The following NALCN variants were observed in gnomAD, a reference collection of about 807,000 sequenced individuals.
NALCN encodes the protein sodium leak channel, non-selective.
In NALCN, 111 loss-of-function variants were observed where a neutral mutation model predicts 225.3. The ratio of observed to expected loss-of-function variants is 0.49; its 90% CI spans 0.42 to 0.58. The LOEUF (loss-of-function observed/expected upper bound fraction) is 0.58. Ranked by LOEUF, NALCN falls within the 20% of genes least tolerant of loss-of-function variation. The probability of loss-of-function intolerance (pLI) is 0.00; values close to 1 mark genes in which losing one functional copy is unlikely to be tolerated. For synonymous variants in NALCN, 764 were observed against 769.0 expected (o/e 0.99, Z 0.11); for missense variants, 1,378 against 2,202.4 (o/e 0.63, Z 7.49).
At chr13:101,313,659 G>T (rs2044440533) in intron 7 of NALCN, among the ~76,000 whole-genome samples, 1 of 152,090 alleles carries the variant, frequency 6.6e-6, no homozygotes, top group South Asian at 2.1e-4. Flanking sequence ...TGTCAGGAAA[G>T]AACAGGTGCT....
At chr13:101,098,107 G>A (rs1426446454) in intron 27 of NALCN, among the ~76,000 whole-genome samples, 2 of 151,882 alleles carry the variant, frequency 1.3e-5, no homozygotes, top group Admixed American at 1.3e-4. Context: ...TGTATGCTCC[G>A]TGTCCTTCTT....
At chr13:101,241,082 A>T (rs1268550681) in intron 11 of NALCN, among the ~76,000 whole-genome samples, 1 of 152,198 alleles carries the variant, frequency 6.6e-6, no homozygotes, top group Non-Finnish European at 1.5e-5. Context: ...ACACCTTTAA[A>T]AGTAGACAGA....
intron 10 of NALCN, among the ~76,000 whole-genome samples, chr13:101,282,649 C>T (rs930762844): frequency 6.6e-6 from 1 of 151,984 alleles, no homozygotes; most frequent in African/African-American, 2.4e-5. Context: ...TTAAGTGTTA[C>T]CCCCCACCCC....
intron 6 of NALCN, among the ~76,000 whole-genome samples, chr13:101,347,811 T>G (rs554289776): frequency 6.6e-6 from 1 of 152,200 alleles, no homozygotes; most frequent in Non-Finnish European, 1.5e-5. Context: ...GTAAACCAAG[T>G]AATGCACTTT....
chr13:101,349,938 G>A (rs773686100), intron 6 of NALCN, among the ~76,000 whole-genome samples: 57 of 152,080 alleles, frequency 3.7e-4, no homozygotes, highest in Admixed American at 7.9e-4. Flanking sequence ...CCAAACCGTG[G>A]AGCAAACTTG....
rs75290606 is a variant in NALCN at position 101,132,281 on chromosome 13, T to A, written c.2119-7600A>T. Among the ~76,000 whole-genome samples the A allele has an allele frequency of 6.5e-3, 958 of 148,062 alleles. 9 individuals are homozygous for A. The highest frequency in any genetic ancestry group is 0.021 in the African/African-American group (867 of 41,314). ...TGCTTATTTGAAAATAGTTTTAAAT[T>A]TCTGAATGTGTAGGTTTTTTTGTGG... On this transcript the variant is annotated intron_variant, in intron 17 of 43. Transcript: ENST00000251127.
At chr13:101,127,120 C>T (rs1361182325) in intron 17 of NALCN, among the ~76,000 whole-genome samples, 2 of 152,180 alleles carry the variant, frequency 1.3e-5, no homozygotes, top group African/African-American at 4.8e-5. Flanking sequence ...TGCAATTTCA[C>T]GTTAGGAAAA....
chr13:101,297,206 T>C (rs2139073962), intron 7 of NALCN, among the ~76,000 whole-genome samples: 1 of 152,282 alleles, frequency 6.6e-6, no homozygotes, highest in Middle Eastern at 3.4e-3. Context: ...AGCAACACAC[T>C]ACAAACCTGG....
intron 11 of NALCN, among the ~76,000 whole-genome samples, chr13:101,239,377 GA>G (rs541918258): frequency 3.3e-5 from 5 of 151,560 alleles, no homozygotes; most frequent in Admixed American, 6.6e-5. Flanking sequence ...ACTCTGGAAA[GA>G]AAAAAAATTC....
chr13:101,142,437 C>A (rs1251841870), intron 17 of NALCN, among the ~76,000 whole-genome samples: 1 of 152,038 alleles, frequency 6.6e-6, no homozygotes, highest in African/African-American at 2.4e-5. Context: ...CCATGGCACA[C>A]AGCCCTTATA....
chr13:101,360,073 TTC>T (rs1270050260), intron 6 of NALCN, among the ~76,000 whole-genome samples: 5 of 150,498 alleles, frequency 3.3e-5, no homozygotes, highest in African/African-American at 1.2e-4. Context: ...TTCTTTTTCT[TTC>T]TTTCTTTCTC....
rs1190984961 is a variant in NALCN at position 101,229,581 on chromosome 13, G to A, written c.1438C>T (p.Leu480Phe). 1 of 1,580,176 alleles carries A rather than the reference G, an allele frequency of 6.3e-7. No individual in the cohort carries two copies. The highest frequency in any genetic ancestry group is 8.6e-7 in the Non-Finnish European group (1 of 1,164,530). Residue 480 changes from leucine (L) to phenylalanine (F), a missense_variant, in exon 13 of 44, where the codon CTC (leucine) becomes TTC (phenylalanine). Transcript: ENST00000251127. ...YHSQFTYFQV[L>F]RVVRLIKISP... ...ATCTTAATCAGCCGAACTACTCGGA[G>A]AACCTATCAAGGGAGAGAGAAACAT... is the stretch of plus-strand genomic sequence containing the variant.
At chr13:101,177,922 G>C (rs1267292498) in intron 14 of NALCN, among the ~76,000 whole-genome samples, 2 of 152,098 alleles carry the variant, frequency 1.3e-5, no homozygotes, top group African/African-American at 4.8e-5. Flanking sequence ...GCTTGGCTTG[G>C]GACAAATGCC....
intron 13 of NALCN, among the ~76,000 whole-genome samples, chr13:101,212,255 T>A (rs139999602): frequency 2.0e-5 from 3 of 152,298 alleles, no homozygotes; most frequent in Admixed American, 6.5e-5. Flanking sequence ...TCTGCACACC[T>A]CCTTCTCTGG....
intron 6 of NALCN, among the ~76,000 whole-genome samples, chr13:101,364,904 CAAG>C (rs2046339578): frequency 6.6e-6 from 1 of 151,996 alleles, no homozygotes; most frequent in African/African-American, 2.4e-5. Context: ...ACATAGGAAT[CAAG>C]AAGACGTCAT....
chr13:101,103,305 T>C lies in NALCN; in HGVS notation c.2924A>G (p.Asn975Ser), dbSNP rs200766663. The C allele has an allele frequency of 2.0e-5, 32 of 1,613,252 alleles. No individual in the cohort carries two copies. Among genetic ancestry groups the C allele is most frequent in the South Asian group, 4.4e-5 (4 of 90,950 alleles). Reference protein sequence around the residue: ...SLIFLCWMPQNVPAESGAQLL... With the variant: ...SLIFLCWMPQSVPAESGAQLL... ...CTGAGCTCCCGATTCAGCAGGTACATTTTGAGGCATCCAACAAAGAAATAT... is the reference window on the plus strand; with the variant it reads ...CTGAGCTCCCGATTCAGCAGGTACACTTTGAGGCATCCAACAAAGAAATAT... Residue 975 changes from asparagine (N) to serine (S), a missense_variant, in exon 26 of 44, where the codon AAT (asparagine) becomes AGT (serine). Physicochemically the swap from Asn to Ser is conservative, Grantham distance 46. Coordinates refer to ENST00000251127, the MANE Select transcript of NALCN (RefSeq NM_052867.4).
intron 15 of NALCN, among the ~76,000 whole-genome samples, chr13:101,163,473 TG>T (rs1183845156): frequency 7.9e-5 from 12 of 152,270 alleles, no homozygotes; most frequent in African/African-American, 2.6e-4. Flanking sequence ...ACACATGACA[TG>T]AAATTTTGGA....
intron 11 of NALCN, among the ~76,000 whole-genome samples, chr13:101,252,548 A>C (rs1421593656): frequency 1.3e-5 from 2 of 152,078 alleles, no homozygotes; most frequent in Non-Finnish European, 2.9e-5. Context: ...GGCTGATGAC[A>C]AGTTGGGGAG....
At chr13:101,181,120 A>C (rs774324410) in intron 14 of NALCN, 1 of 518,988 alleles carries the variant, frequency 1.9e-6, no homozygotes, top group Non-Finnish European at 3.8e-6. Flanking sequence ...AGACAATGAC[A>C]GAGAGCCAAG....
Sources: allele counts gnomAD v4.1 joint callset (sites outside exome capture counted in the v4.1 genomes callset), GRCh38; gene constraint gnomAD v4.1.1; transcripts MANE v1.5; gene names NCBI Gene and HGNC (gene_info 2026-07-23, HGNC 2026-07-21).